LRP1B: variants seen among roughly 807,000 people sequenced by gnomAD.
The protein encoded by LRP1B is LDL receptor related protein 1B.
A neutral mutation model predicts 556.6 loss-of-function variants in LRP1B; 217 were observed. The observed-to-expected ratio is 0.39, with a 90% CI of 0.35 to 0.44. The LOEUF is 0.44. Ranked by LOEUF, LRP1B falls within the 20% of genes least tolerant of loss-of-function variation. The pLI is 1.00. For synonymous variants in LRP1B, 2,047 were observed against 1,865.8 expected (o/e 1.10, Z -2.50); for missense variants, 5,053 against 5,620.8 (o/e 0.90, Z 3.23).
At chr2:140,451,254 A>G (rs932041875) in intron 62 of LRP1B, among the ~76,000 whole-genome samples, 7 of 152,190 alleles carry the variant, frequency 4.6e-5, no homozygotes, top group Non-Finnish European at 8.8e-5. Flanking sequence ...CTAAAGGGCT[A>G]CTTGTACACT....
chr2:141,483,977 A>T (rs1378497766), intron 2 of LRP1B, among the ~76,000 whole-genome samples: 1 of 151,570 alleles, frequency 6.6e-6, no homozygotes, highest in Admixed American at 6.6e-5. Context: ...ATTAGATCCC[A>T]CTTGTCAATT....
At chr2:141,183,216 C>T (rs555667542) in intron 7 of LRP1B, among the ~76,000 whole-genome samples, 2 of 152,128 alleles carry the variant, frequency 1.3e-5, no homozygotes, top group Admixed American at 6.6e-5. Context: ...AGCTTGGAAC[C>T]TGTGCCTGCT....
At chr2:141,708,431 C>A (rs1193256654) in intron 2 of LRP1B, among the ~76,000 whole-genome samples, 2 of 151,916 alleles carry the variant, frequency 1.3e-5, no homozygotes, top group Non-Finnish European at 2.9e-5. Flanking sequence ...GTCTTGAGAG[C>A]AGGACAGGAG....
intron 2 of LRP1B, among the ~76,000 whole-genome samples, chr2:141,748,729 T>C (rs1693999246): frequency 6.6e-6 from 1 of 152,190 alleles, no homozygotes; most frequent in Non-Finnish European, 1.5e-5. Context: ...ATATACTAGG[T>C]TTCTGTGGTA....
intron 3 of LRP1B, among the ~76,000 whole-genome samples, chr2:141,380,723 C>G (rs1039881909): frequency 1.3e-5 from 2 of 152,200 alleles, no homozygotes; most frequent in African/African-American, 4.8e-5. Context: ...GCTTTTTCCC[C>G]GAGGAGAGAA....
intron 29 of LRP1B, among the ~76,000 whole-genome samples, chr2:140,846,887 T>C (rs564205425): frequency 2.3e-4 from 35 of 152,176 alleles, no homozygotes; most frequent in Admixed American, 1.0e-3. Context: ...TGTCAAAAGT[T>C]TATCTCAAGT....
chr2:140,914,887 A>T (rs1222271656), intron 21 of LRP1B, among the ~76,000 whole-genome samples: 1 of 152,080 alleles, frequency 6.6e-6, no homozygotes, highest in East Asian at 1.9e-4. Context: ...TCATTCATTA[A>T]GCTTCTACTG....
At chr2:141,145,346 C>G (rs1701754474) in intron 7 of LRP1B, among the ~76,000 whole-genome samples, 1 of 151,866 alleles carries the variant, frequency 6.6e-6, no homozygotes, top group Admixed American at 6.6e-5. Context: ...GTACACTGTA[C>G]ACTTCTCTGA....
intron 32 of LRP1B, among the ~76,000 whole-genome samples, chr2:140,795,427 T>G (rs538686284): frequency 2.0e-4 from 31 of 152,274 alleles, no homozygotes; most frequent in East Asian, 1.9e-3. Context: ...TGAGCTCTTC[T>G]TTTATCCTAG....
Position 141,788,579 on chromosome 2 carries a change from T to C in LRP1B, c.205+21700A>G, listed in dbSNP as rs189201398. ...TAAGTTTTAGGGTACATGTGCACAA[T>C]GTGCAGGTTAGTTACATATGTATAC... On this transcript the variant is annotated intron_variant, in intron 2 of 90. Coordinates refer to ENST00000389484, the MANE Select transcript of LRP1B (RefSeq NM_018557.3). 5.4e-3 allele frequency among the ~76,000 whole-genome samples: 815 copies of C among 151,974 alleles called. 9 individuals carry two copies. The highest frequency in any genetic ancestry group is 0.019 in the African/African-American group (785 of 41,382).
chr2:140,989,585 T>A lies in LRP1B; in HGVS notation c.2717A>T (p.Asp906Val), dbSNP rs2105352851. 1 of 1,613,330 alleles carries A rather than the reference T, an allele frequency of 6.2e-7. No homozygotes were observed. The highest frequency in any genetic ancestry group is 8.5e-7 in the Non-Finnish European group (1 of 1,179,476). ...ATTGCTCCCACAGTCATTAGCTCCA[T>A]CACAAAGCCATCTCTTGGGGATGCA... ...NRCIPKRWLC[D>V]GANDCGSNED... The change falls in exon 17 of 91, where the codon GAT becomes GTT. Residue 906 changes from aspartate (D) to valine (V), a missense_variant. Asp to Val is a radical substitution (Grantham distance 152). Transcript: ENST00000389484.
intron 3 of LRP1B, among the ~76,000 whole-genome samples, chr2:141,273,047 G>A (rs577930375): frequency 5.9e-5 from 9 of 152,186 alleles, no homozygotes; most frequent in East Asian, 3.9e-4. Context: ...GGTGGCTCAC[G>A]CCTGTAATCC....
intron 35 of LRP1B, among the ~76,000 whole-genome samples, chr2:140,742,221 G>A (rs1688165650): frequency 6.6e-6 from 1 of 152,184 alleles, no homozygotes; most frequent in African/African-American, 2.4e-5. Flanking sequence ...TGACTGAAAA[G>A]TACAGGCACA....
At chr2:141,524,162 GT>G (rs566826630) in intron 2 of LRP1B, among the ~76,000 whole-genome samples, 7 of 151,976 alleles carry the variant, frequency 4.6e-5, no homozygotes, top group South Asian at 2.1e-4. Flanking sequence ...TAATGTCTGT[GT>G]TTTTTATATT....
At chr2:141,923,580 C>T (rs567984925) in intron 1 of LRP1B, among the ~76,000 whole-genome samples, 3 of 149,190 alleles carry the variant, frequency 2.0e-5, no homozygotes, top group East Asian at 4.0e-4. Context: ...TTTCCAGTTG[C>T]CCTATATGGT....
intron 43 of LRP1B, among the ~76,000 whole-genome samples, chr2:140,592,641 G>T (rs1037496222): frequency 6.6e-6 from 1 of 151,976 alleles, no homozygotes; most frequent in Non-Finnish European, 1.5e-5. Context: ...AGAAGACAGC[G>T]TAGATATATA....
At position 140,989,514 on chromosome 2, in the gene LRP1B, A is replaced by G. The variant is rs920087504; in HGVS notation, c.2770+18T>C. 6.2e-7 allele frequency: 1 copy of G among 1,612,246 alleles called. No individual in the cohort carries two copies. Among genetic ancestry groups the G allele is most frequent in the East Asian group, 2.2e-5 (1 of 44,778 alleles). On this transcript the variant is annotated intron_variant, in intron 17 of 90. Transcript: ENST00000389484. ...AACTTTGGAGGAGATTTACGTGTAT[A>G]TCCAAGCAAACCTTTACCTGTGCAA...
intron 60 of LRP1B, among the ~76,000 whole-genome samples, chr2:140,459,080 A>G (rs1302598658): frequency 1.3e-5 from 2 of 152,142 alleles, no homozygotes; most frequent in African/African-American, 4.8e-5. Flanking sequence ...GTAAAAATCT[A>G]GATGTGCACA....
At chr2:140,955,992 A>G (rs1326357385) in intron 18 of LRP1B, among the ~76,000 whole-genome samples, 1 of 151,790 alleles carries the variant, frequency 6.6e-6, no homozygotes, top group African/African-American at 2.4e-5. Context: ...TTATCCTTCA[A>G]AATTATGTAT....
Sources: allele counts gnomAD v4.1 joint callset (sites outside exome capture counted in the v4.1 genomes callset), GRCh38; gene constraint gnomAD v4.1.1; transcripts MANE v1.5; gene names NCBI Gene and HGNC (gene_info 2026-07-23, HGNC 2026-07-21).